Variants in MRPL39 observed in about 807,000 individuals in gnomAD.
MRPL39 encodes mitochondrial ribosomal protein L39.
A neutral mutation model predicts 44.5 loss-of-function variants in MRPL39; 35 were observed. The observed-to-expected ratio is 0.79, with a 90% CI of 0.60 to 1.04. MRPL39 has a LOEUF of 1.04. MRPL39 is among the 50% of genes least tolerant of loss of function. The pLI, the probability that MRPL39 is intolerant of heterozygous loss-of-function variation, is 0.00. For synonymous variants in MRPL39, 139 were observed against 136.1 expected (o/e 1.02, Z -0.15); for missense variants, 433 against 413.5 (o/e 1.05, Z -0.41).
intron 5 of MRPL39, among the ~76,000 whole-genome samples, chr21:25,598,068 C>T (rs552473752): frequency 1.2e-4 from 18 of 152,196 alleles, no homozygotes; most frequent in African/African-American, 4.3e-4. Context: ...AGCACTATTA[C>T]ACAAGTAATT....
intron 2 of MRPL39, among the ~76,000 whole-genome samples, chr21:25,605,732 T>G (rs1216837818): frequency 2.0e-5 from 3 of 151,830 alleles, no homozygotes; most frequent in Non-Finnish European, 4.4e-5. Flanking sequence ...ACAGCCACCC[T>G]CTCTCTCAAA....
At chr21:25,598,540 T>TA (rs1386433767) in intron 5 of MRPL39, among the ~76,000 whole-genome samples, 7 of 151,332 alleles carry the variant, frequency 4.6e-5, no homozygotes, top group South Asian at 2.1e-4. Flanking sequence ...CTTGCCCCAG[T>TA]AAAAAAAATC....
chr21:25,588,403 A>T (rs945036377), intron 9 of MRPL39, among the ~76,000 whole-genome samples: 1 of 152,188 alleles, frequency 6.6e-6, no homozygotes, highest in African/African-American at 2.4e-5. Flanking sequence ...AAACATTCAA[A>T]TCTGGTTTTT....
intron 5 of MRPL39, among the ~76,000 whole-genome samples, 172 bp downstream of exon 5, chr21:25,599,627 C>G (rs1191197719): frequency 4.0e-5 from 6 of 149,542 alleles, no homozygotes; most frequent in Non-Finnish European, 8.8e-5. Context: ...AGCAACAACA[C>G]CAATAGATAG....
intron 5 of MRPL39, among the ~76,000 whole-genome samples, chr21:25,599,093 A>G (rs2031446844): frequency 6.6e-6 from 1 of 152,190 alleles, no homozygotes. Context: ...CTACATCTCC[A>G]GGCTTGATCT....
intron 6 of MRPL39, among the ~76,000 whole-genome samples, chr21:25,595,965 C>T (rs2031343500): frequency 6.6e-6 from 1 of 152,154 alleles, no homozygotes; most frequent in Non-Finnish European, 1.5e-5. Context: ...TAAAACAGTA[C>T]ATTACAACTG....
chr21:25,599,542 T>TA (rs2031459389), intron 5 of MRPL39, among the ~76,000 whole-genome samples: 1 of 152,064 alleles, frequency 6.6e-6, no homozygotes, highest in Non-Finnish European at 1.5e-5. Context: ...AAGCAGAACA[T>TA]AAAGTTTCAA....
chr21:25,595,698 CTGAG>C (rs66689950), intron 6 of MRPL39, among the ~76,000 whole-genome samples: 107,130 of 151,694 alleles, frequency 0.71, 39,052 homozygotes, highest in Non-Finnish European at 0.82. Flanking sequence ...ATTGATTACA[CTGAG>C]TAACATTTTA....
At chr21:25,588,362 G>T (rs986493036) in intron 9 of MRPL39, among the ~76,000 whole-genome samples, 2 of 151,808 alleles carry the variant, frequency 1.3e-5, no homozygotes, top group Admixed American at 1.3e-4. Flanking sequence ...AAGTCTAAAT[G>T]CTAATGACAA....
rs185177853 is a variant in MRPL39 at position 25,599,591 on chromosome 21, T to G, written c.588+208A>C. Among the ~76,000 whole-genome samples the G allele has an allele frequency of 1.8e-4, 28 of 152,260 alleles. 1 individual carries two copies. Among genetic ancestry groups the G allele is most frequent in the African/African-American group, 6.7e-4 (28 of 41,546 alleles). ...GTTGATGTAAATACTCTCATTCACA[T>G]CCCTCTGTCTTAAATAGGCTGAAAA... On this transcript the variant is annotated intron_variant, in intron 5 of 9. Transcript: ENST00000352957.
chr21:25,601,700 T>C (rs1343892104), intron 3 of MRPL39, among the ~76,000 whole-genome samples: 1 of 152,210 alleles, frequency 6.6e-6, no homozygotes, highest in Non-Finnish European at 1.5e-5. Flanking sequence ...CTGTGCAAGA[T>C]TTCAAACACC....
At chr21:25,590,318 ACT>A (rs2031133198) in intron 8 of MRPL39, among the ~76,000 whole-genome samples, 1 of 152,060 alleles carries the variant, frequency 6.6e-6, no homozygotes, top group Admixed American at 6.6e-5. Flanking sequence ...CCTGGGCCAC[ACT>A]GGAAGAAGAA....
intron 5 of MRPL39, among the ~76,000 whole-genome samples, chr21:25,597,845 A>G (rs139175278): frequency 6.6e-6 from 1 of 152,310 alleles, no homozygotes; most frequent in East Asian, 1.9e-4. Context: ...TGTTTTCTTA[A>G]TTAAGAAAGT....
At chr21:25,587,732 C>T (rs773387942) in intron 9 of MRPL39, 4 of 1,612,656 alleles carry the variant, frequency 2.5e-6, no homozygotes, top group Non-Finnish European at 3.4e-6. Flanking sequence ...AGGTACGACT[C>T]AGGCGAGGTA....
At chr21:25,593,846 C>A in intron 7 of MRPL39, 47 bp downstream of exon 7, 1 of 1,508,768 alleles carries the variant, frequency 6.6e-7, no homozygotes, top group South Asian at 1.2e-5. Flanking sequence ...AACAATAAAG[C>A]TAAGCCTTAC....
upstream of MRPL39, among the ~76,000 whole-genome samples, chr21:25,607,752 T>A (rs891553617): frequency 1.3e-5 from 2 of 152,102 alleles, no homozygotes; most frequent in African/African-American, 4.8e-5. Flanking sequence ...CCACGTAGGC[T>A]CTGCAGGGAA....
At chr21:25,586,255 A>C (rs899842960) in intron 9 of MRPL39, among the ~76,000 whole-genome samples, 2 of 152,134 alleles carry the variant, frequency 1.3e-5, no homozygotes, top group Non-Finnish European at 2.9e-5. Flanking sequence ...TGCATCATCT[A>C]TCTTGGTAAA....
At chr21:25,605,963 A>G (rs1349544019) in intron 2 of MRPL39, among the ~76,000 whole-genome samples, 1 of 152,186 alleles carries the variant, frequency 6.6e-6, no homozygotes, top group East Asian at 1.9e-4. Context: ...ATTATCTAGT[A>G]CCATAAACAA....
At chr21:25,603,401 C>G (rs1262076225) in intron 3 of MRPL39, among the ~76,000 whole-genome samples, 1 of 151,798 alleles carries the variant, frequency 6.6e-6, no homozygotes. Flanking sequence ...TGTAAAAGAA[C>G]AACTTTTAAG....
Sources: allele counts gnomAD v4.1 joint callset (sites outside exome capture counted in the v4.1 genomes callset), GRCh38; gene constraint gnomAD v4.1.1; transcripts MANE v1.5; gene names NCBI Gene and HGNC (gene_info 2026-07-23, HGNC 2026-07-21).